The following DYNC1I1 variants were observed in gnomAD, a reference collection of about 807,000 sequenced individuals.
DYNC1I1 encodes the protein cytoplasmic dynein 1 intermediate chain 1.
A neutral mutation model predicts 86.6 loss-of-function variants in DYNC1I1; 43 were observed. The ratio of observed to expected loss-of-function variants is 0.50; its 90% CI spans 0.39 to 0.64. DYNC1I1 has a LOEUF of 0.64. Among genes scored for constraint, DYNC1I1 ranks in the 30% least tolerant of loss-of-function variants. The pLI is 0.00. For missense variants in DYNC1I1, 604 were observed against 788.8 expected (o/e 0.77, Z 2.81); for synonymous variants, 262 against 283.7 (o/e 0.92, Z 0.77).
chr7:95,882,664 C>A (rs1274684654), intron 6 of DYNC1I1, among the ~76,000 whole-genome samples: 1 of 152,124 alleles, frequency 6.6e-6, no homozygotes, highest in Non-Finnish European at 1.5e-5. Flanking sequence ...GGACCATTTT[C>A]TCTTACTTTG....
intron 1 of DYNC1I1, among the ~76,000 whole-genome samples, chr7:95,775,222 T>A (rs1793810823): frequency 6.6e-6 from 1 of 152,240 alleles, no homozygotes; most frequent in Admixed American, 6.5e-5. Flanking sequence ...AAGGCCTGAC[T>A]CCAGGCCAGG....
chr7:95,969,723 C>A (rs1464992389), intron 6 of DYNC1I1, among the ~76,000 whole-genome samples: 1 of 152,054 alleles, frequency 6.6e-6, no homozygotes, highest in Admixed American at 6.6e-5. Flanking sequence ...CTTTCATTTC[C>A]TCCCATTTGC....
At chr7:96,052,732 G>A (rs896698101) in intron 14 of DYNC1I1, among the ~76,000 whole-genome samples, 1 of 152,136 alleles carries the variant, frequency 6.6e-6, no homozygotes, top group African/African-American at 2.4e-5. Flanking sequence ...ACAGAATAAT[G>A]AAAGGACAGC....
At chr7:96,016,085 T>G (rs768142274) in intron 10 of DYNC1I1, among the ~76,000 whole-genome samples, 101 of 152,270 alleles carry the variant, frequency 6.6e-4, no homozygotes, top group Admixed American at 2.1e-3. Flanking sequence ...CTCATTGCTT[T>G]GTTGGGCGTA....
intron 4 of DYNC1I1, among the ~76,000 whole-genome samples, chr7:95,824,138 G>A (rs1795151262): frequency 6.6e-6 from 1 of 150,616 alleles, no homozygotes; most frequent in Admixed American, 6.6e-5. Flanking sequence ...CCACAGGCGA[G>A]CACCACCATA....
intron 6 of DYNC1I1, among the ~76,000 whole-genome samples, chr7:95,923,663 G>T (rs1037308511): frequency 9.9e-5 from 15 of 152,046 alleles, no homozygotes; most frequent in Admixed American, 9.2e-4. Flanking sequence ...TAGCTTATTT[G>T]CAAAAGTTCT....
chr7:96,084,797 G>A (rs1023033255), intron 16 of DYNC1I1, among the ~76,000 whole-genome samples: 5 of 151,960 alleles, frequency 3.3e-5, no homozygotes, highest in African/African-American at 7.3e-5. Flanking sequence ...AAACGTCAAG[G>A]TACATATAGA....
intron 5 of DYNC1I1, among the ~76,000 whole-genome samples, chr7:95,858,834 A>T (rs2116109062): frequency 6.7e-6 from 1 of 149,880 alleles, no homozygotes; most frequent in Admixed American, 6.7e-5. Context: ...CTTTAATTCT[A>T]TTCTGTGAAT....
chr7:96,069,371 A>G (rs1035887815), intron 14 of DYNC1I1, among the ~76,000 whole-genome samples: 1 of 152,170 alleles, frequency 6.6e-6, no homozygotes, highest in African/African-American at 2.4e-5. Context: ...AGCTGCCTCA[A>G]TTTTGCTAAT....
At chr7:96,015,170 T>G (rs1794370911) in intron 10 of DYNC1I1, among the ~76,000 whole-genome samples, 1 of 152,190 alleles carries the variant, frequency 6.6e-6, no homozygotes, top group African/African-American at 2.4e-5. Context: ...AATACTGCCC[T>G]TGTGCATTTT....
intron 10 of DYNC1I1, among the ~76,000 whole-genome samples, chr7:95,999,699 A>G (rs1793962973): frequency 6.6e-6 from 1 of 152,132 alleles, no homozygotes; most frequent in Non-Finnish European, 1.5e-5. Flanking sequence ...TGGTTAGGAC[A>G]GGGACAGAAA....
chr7:95,780,531 G>A lies in DYNC1I1; in HGVS notation c.-10+7758G>A, dbSNP rs1584213994. ...CTGACCTCGTGATCCGCCTGCCTCA[G>A]CCTCCCAAAGTGCTGGGATTACAGG... On this transcript the variant is annotated intron_variant, in intron 1 of 16. Transcript: ENST00000447467. Among the ~76,000 whole-genome samples the A allele has an allele frequency of 2.0e-5, 3 of 151,236 alleles. No homozygotes were observed. The South Asian group carries it at 6.3e-4, about 32-fold the overall frequency.
intron 6 of DYNC1I1, among the ~76,000 whole-genome samples, chr7:95,923,423 A>G (rs1791662640): frequency 6.6e-6 from 1 of 152,154 alleles, no homozygotes; most frequent in Non-Finnish European, 1.5e-5. Flanking sequence ...GCCCAAAAGA[A>G]GTAAAATGTT....
In DYNC1I1 at chr7:96,097,702, T is replaced by A; in HGVS notation, c.*109T>A. On this transcript the variant is annotated 3_prime_UTR_variant, in exon 17 of 17. Coordinates refer to ENST00000447467, the MANE Select transcript of DYNC1I1 (RefSeq NM_001135556.2). ...CCATTCAGTATCAGTATTGCTGTGATATTTTGGGTGCCATATTGTGCCAGC... is the reference window on the plus strand; with the variant it reads ...CCATTCAGTATCAGTATTGCTGTGAAATTTTGGGTGCCATATTGTGCCAGC... 6.8e-7 allele frequency: 1 copy of A among 1,460,746 alleles called. No homozygotes were observed. Among genetic ancestry groups the A allele is most frequent in the South Asian group, 1.5e-5 (1 of 67,516 alleles). The allele number at this position is 1,460,746 out of a possible 1,614,324, so 90.5% of individuals were successfully genotyped here. A position where few individuals can be genotyped will look rare whatever the true frequency, so the allele number is the denominator to read the frequency against.
intron 6 of DYNC1I1, among the ~76,000 whole-genome samples, chr7:95,924,899 T>TATTA (rs374539542): frequency 0.012 from 1,775 of 152,302 alleles, 25 homozygotes; most frequent in African/African-American, 0.04. Context: ...CTTAGGTGAC[T>TATTA]ATTAGGTGGC....
chr7:96,084,140 A>G (rs560407705), intron 16 of DYNC1I1, among the ~76,000 whole-genome samples: 2 of 151,896 alleles, frequency 1.3e-5, no homozygotes, highest in African/African-American at 2.4e-5. Context: ...AGAGTATAGG[A>G]CCTGTGCAAT....
At chr7:95,937,628 G>T (rs1792083002) in intron 6 of DYNC1I1, among the ~76,000 whole-genome samples, 1 of 151,892 alleles carries the variant, frequency 6.6e-6, no homozygotes, top group Admixed American at 6.6e-5. Flanking sequence ...ATGGTATTAT[G>T]ATTGGTAGGA....
At chr7:95,917,617 G>A (rs1029830874) in intron 6 of DYNC1I1, among the ~76,000 whole-genome samples, 1 of 152,172 alleles carries the variant, frequency 6.6e-6, no homozygotes, top group Admixed American at 6.5e-5. Flanking sequence ...AGACGTTGTG[G>A]TGAAATAGAA....
intron 12 of DYNC1I1, among the ~76,000 whole-genome samples, chr7:96,034,609 A>G (rs903599563): frequency 6.6e-6 from 1 of 152,184 alleles, no homozygotes; most frequent in Non-Finnish European, 1.5e-5. Context: ...GAAGCAGATC[A>G]TTGGATGATC....
Sources: allele counts gnomAD v4.1 joint callset (sites outside exome capture counted in the v4.1 genomes callset), GRCh38; gene constraint gnomAD v4.1.1; transcripts MANE v1.5; gene names NCBI Gene and HGNC (gene_info 2026-07-23, HGNC 2026-07-21).